CNIH3: variants seen among roughly 807,000 people sequenced by gnomAD.
CNIH3 encodes the protein cornichon family AMPA receptor auxiliary protein 3, also known as protein cornichon homolog 3.
CNIH3 carries 14 observed loss-of-function variants against 24.1 expected under a neutral mutation model. That is an observed-to-expected ratio of 0.58 (90% CI 0.38 to 0.91). CNIH3 has a LOEUF of 0.91. Among genes scored for constraint, CNIH3 ranks in the 40% least tolerant of loss-of-function variants. The pLI is 0.00. For synonymous variants in CNIH3, 68 were observed against 73.8 expected, an observed-to-expected ratio of 0.92 and a Z score of 0.40; for missense variants, 178 against 196.8, an observed-to-expected ratio of 0.90 and a Z score of 0.57.
chr1:224,706,102 C>A (rs1687795708), intron 3 of CNIH3, among the ~76,000 whole-genome samples: 1 of 152,214 alleles, frequency 6.6e-6, no homozygotes, highest in African/African-American at 2.4e-5. Context: ...ACACCAGTGC[C>A]CGCACATTGT....
At chr1:224,561,285 C>T (rs1680363976) in intron 3 of CNIH3, among the ~76,000 whole-genome samples, 1 of 152,074 alleles carries the variant, frequency 6.6e-6, no homozygotes, top group African/African-American at 2.4e-5. Flanking sequence ...TTATGGTTTA[C>T]AGATTTCCTT....
intron 1 of CNIH3, among the ~76,000 whole-genome samples, chr1:224,520,634 G>C (rs1046435216): frequency 4.6e-5 from 7 of 152,232 alleles, no homozygotes; most frequent in African/African-American, 1.7e-4. Flanking sequence ...CAGTGATAGA[G>C]GTTCTGGGAC....
chr1:224,545,762 T>A (rs1023052752), intron 2 of CNIH3, among the ~76,000 whole-genome samples: 5 of 152,204 alleles, frequency 3.3e-5, no homozygotes, highest in Admixed American at 1.3e-4. Context: ...AGCTTGAACA[T>A]CAGGCTTCTA....
rs115857730 is a variant in CNIH3 at position 224,576,970 on chromosome 1, G to A, written n.517-6194G>A. Among the ~76,000 whole-genome samples, 1,457 of 152,186 alleles carry A rather than the reference G, an allele frequency of 9.6e-3. 28 individuals carry two copies. Among genetic ancestry groups the A allele is most frequent in the African/African-American group, 0.033 (1,359 of 41,516 alleles). On this transcript the variant is annotated intron_variant and non_coding_transcript_variant, in intron 4 of 5. Coordinates refer to the CNIH3 transcript ENST00000471578. ...AAACAAAAACATAAAGTGGGACAAA[G>A]GACACCCTAACAAATGGTGCTGGGA...
chr1:224,469,915 A>T (rs543874545), intron 1 of CNIH3, among the ~76,000 whole-genome samples: 313 of 152,210 alleles, frequency 2.1e-3, no homozygotes, highest in African/African-American at 7.2e-3. Context: ...TGCCAGATTT[A>T]AAAAAAATCT....
At chr1:224,536,474 A>G (rs1679290369) in intron 2 of CNIH3, among the ~76,000 whole-genome samples, 1 of 151,698 alleles carries the variant, frequency 6.6e-6, no homozygotes, top group African/African-American at 2.4e-5. Context: ...TATTTTTAGT[A>G]GAGATGGGGT....
At chr1:224,475,087 C>T (rs1307379012) in intron 1 of CNIH3, among the ~76,000 whole-genome samples, 3 of 144,734 alleles carry the variant, frequency 2.1e-5, no homozygotes, top group East Asian at 4.2e-4. Flanking sequence ...AGGCTGGGCG[C>T]GGTGGCTCAG....
At chr1:224,582,062 G>C (rs1681297872) in intron 4 of CNIH3, among the ~76,000 whole-genome samples, 1 of 152,120 alleles carries the variant, frequency 6.6e-6, no homozygotes, top group Non-Finnish European at 1.5e-5. Context: ...ATTGGACAGA[G>C]GGGGTGTGGG....
intron 3 of CNIH3, among the ~76,000 whole-genome samples, chr1:224,685,509 G>A (rs1686613325): frequency 6.6e-6 from 1 of 152,192 alleles, no homozygotes; most frequent in East Asian, 1.9e-4. Context: ...TGTGCTTTTT[G>A]CAGCAAAATA....
At chr1:224,739,257 C>G (rs1483044198) in intron 5 of CNIH3, 72 bp from the exon 6 acceptor site, 23 of 1,566,320 alleles carry the variant, frequency 1.5e-5, no homozygotes, top group Non-Finnish European at 1.9e-5. Flanking sequence ...TGAGGGGCAG[C>G]CTGAGTCCTC....
chr1:224,681,122 A>C (rs1686379137), intron 2 of CNIH3, 96 bp downstream of exon 2: 1 of 1,040,080 alleles, frequency 9.6e-7, no homozygotes, highest in African/African-American at 1.6e-5. Context: ...TGAATGCGTA[A>C]AGAACATGCT....
rs1201546985 is a variant in CNIH3 at position 224,738,468 on chromosome 1, G to A, written c.456-861G>A. Among the ~76,000 whole-genome samples, 5 of 152,296 alleles carry A rather than the reference G, an allele frequency of 3.3e-5. No individual in the cohort carries two copies. In the East Asian group the frequency reaches 5.8e-4, roughly 18 times the overall value. ...TGAGGTTCCTGAAGATGGAACTTGA[G>A]CTACTCAGAGGAGCTCATTGGGCAT... is the stretch of plus-strand genomic sequence containing the variant. On this transcript the variant is annotated intron_variant, in intron 5 of 5. Transcript: ENST00000272133.
Position 224,616,558 on chromosome 1 carries a change from C to G in CNIH3, c.-617C>G. 1 of 986,910 alleles carries G rather than the reference C, an allele frequency of 1.0e-6. No homozygotes were observed. Among genetic ancestry groups the G allele is most frequent in the Non-Finnish European group, 1.2e-6 (1 of 830,936 alleles). 61.1% of individuals were successfully genotyped at this position (986,910 alleles called of 1,614,324 possible). ...GAGCGCACGGCTGCGCTGGAAGCCG[C>G]GTCTGGGGCGCAGGACCAACGGGAC... is the stretch of plus-strand genomic sequence containing the variant. On this transcript the variant is annotated 5_prime_UTR_variant, in exon 1 of 6. Transcript: ENST00000272133.
intron 1 of CNIH3, among the ~76,000 whole-genome samples, chr1:224,449,960 AACAC>A (rs971119191): frequency 6.6e-6 from 1 of 151,196 alleles, no homozygotes; most frequent in African/African-American, 2.4e-5. Context: ...TCATTCTTTC[AACAC>A]ACACACACAC....
At chr1:224,708,475 A>T (rs566445520) in intron 3 of CNIH3, among the ~76,000 whole-genome samples, 1 of 152,094 alleles carries the variant, frequency 6.6e-6, no homozygotes, top group South Asian at 2.1e-4. Flanking sequence ...ATGTTGCCCA[A>T]TTCTGGAAAG....
At chr1:224,503,146 C>T (rs532577605) in intron 1 of CNIH3, among the ~76,000 whole-genome samples, 39 of 152,164 alleles carry the variant, frequency 2.6e-4, no homozygotes, top group Admixed American at 7.9e-4. Flanking sequence ...AGAAGATGGC[C>T]TTTAGTTTGT....
intron 1 of CNIH3, among the ~76,000 whole-genome samples, chr1:224,502,329 G>A (rs185973872): frequency 1.4e-3 from 219 of 152,296 alleles, no homozygotes; most frequent in African/African-American, 4.5e-3. Flanking sequence ...GAAGTATCTC[G>A]TGATAGAGAC....
chr1:224,587,259 C>T (rs1196417830), intron 5 of CNIH3: 1 of 152,360 alleles, frequency 6.6e-6, no homozygotes, highest in East Asian at 1.9e-4. Context: ...TTCAGAACTG[C>T]AGCTTTTGGG....
chr1:224,442,889 C>A (rs1393089228), intron 1 of CNIH3, among the ~76,000 whole-genome samples: 1 of 152,170 alleles, frequency 6.6e-6, no homozygotes, highest in East Asian at 1.9e-4. Flanking sequence ...AAGTCCTATA[C>A]GTTCATTTTT....
Sources: gnomAD v4.1 joint callset for allele counts (sites outside exome capture counted in the v4.1 genomes callset) on GRCh38, gnomAD v4.1.1 for gene constraint, MANE v1.5 for transcripts, NCBI Gene and HGNC (gene_info 2026-07-23, HGNC 2026-07-21) for gene names.